PSD4: variants seen among roughly 807,000 people sequenced by gnomAD.
The protein encoded by PSD4 is PH and SEC7 domain-containing protein 4.
In PSD4, 59 loss-of-function variants were observed where a neutral mutation model predicts 112.5. That is an observed-to-expected ratio of 0.52 (90% CI 0.43 to 0.65). The LOEUF (loss-of-function observed/expected upper bound fraction) is 0.65, where lower values mean the gene tolerates loss of function less well. Ranked by LOEUF, PSD4 falls within the 30% of genes least tolerant of loss-of-function variation. PSD4 has a pLI of 0.00. For synonymous variants in PSD4, 533 were observed against 540.0 expected (o/e 0.99, Z 0.18); for missense variants, 1,267 against 1,352.6 (o/e 0.94, Z 0.99).
At chr2:113,184,914 C>T in intron 2 of PSD4, 43 bp from the exon 3 acceptor site, 1 of 1,610,858 alleles carries the variant, frequency 6.2e-7, no homozygotes, top group Non-Finnish European at 8.5e-7. Context: ...CTCTAGTCAC[C>T]TCTCCTCTCC....
rs1198990330 is a variant in PSD4 at position 113,198,846 on chromosome 2, C to G, written c.2731C>G (p.Arg911Gly). The change falls in exon 15 of 17, where the codon CGG becomes GGG. Residue 911 changes from arginine (R) to glycine (G), a missense_variant. Coordinates refer to ENST00000245796, the MANE Select transcript of PSD4 (RefSeq NM_012455.3). ...AAVGSQRRFV[R>G]PILPVGPAQS... ...TGTGGGCTCCCAGCGCAGATTCGTG[C>G]GGCCCATCCTGCCCGTGGGCCCCGC... 1.3e-6 allele frequency: 2 copies of G among 1,598,042 alleles called. No homozygotes were observed. Among genetic ancestry groups the G allele is most frequent in the East Asian group, 2.2e-5 (1 of 44,690 alleles).
intron 12 of PSD4, among the ~76,000 whole-genome samples, chr2:113,196,979 C>T (rs945870540): frequency 1.3e-5 from 2 of 152,212 alleles, no homozygotes; most frequent in African/African-American, 4.8e-5. Context: ...CTGGGGCGAC[C>T]AGGATGGGAA....
rs77426588 is a variant in PSD4, at chr2:113,197,523, G to A, written c.2387-41G>A. On this transcript the variant is annotated intron_variant, in intron 12 of 16. Transcript: ENST00000245796. ...TGTGTCTGAGTGTGTCTGGATGCTGGTGCCCCCACCTACAACATTTGTGTT... is the reference window on the plus strand; with the variant it reads ...TGTGTCTGAGTGTGTCTGGATGCTGATGCCCCCACCTACAACATTTGTGTT... The A allele has an allele frequency of 3.8e-5, 62 of 1,610,878 alleles. No homozygotes were observed. The African/African-American group carries it at 7.5e-4, about 19-fold the overall frequency.
Position 113,201,140 on chromosome 2 carries a change from G to A in PSD4, c.2914-18G>A. 6.3e-7 allele frequency: 1 copy of A among 1,595,808 alleles called. No individual in the cohort carries two copies. The highest frequency in any genetic ancestry group is 8.6e-7 in the Non-Finnish European group (1 of 1,169,288). On this transcript the variant is annotated intron_variant, in intron 16 of 16. Coordinates refer to ENST00000245796, the MANE Select transcript of PSD4 (RefSeq NM_012455.3). Reference sequence around the variant, plus strand: ...GGAGCCAGGATGGTGCTAAGGTGGTGGGGCCTGTGTGTTGCAGAAAACCCG... The same window carrying A: ...GGAGCCAGGATGGTGCTAAGGTGGTAGGGCCTGTGTGTTGCAGAAAACCCG...
At chr2:113,189,366 T>TATATATATAC (rs1553475554) in intron 5 of PSD4, among the ~76,000 whole-genome samples, 1 of 150,312 alleles carries the variant, frequency 6.7e-6, no homozygotes, top group African/African-American at 2.4e-5. Flanking sequence ...TATATATATA[T>TATATATATAC]ACACACACAC....
chr2:113,196,274 C>T lies in PSD4; in HGVS notation c.2353C>T (p.Arg785Trp), dbSNP rs759148670. Residue 785 changes from arginine (R) to tryptophan (W), a missense_variant, in exon 12 of 17, where the codon CGG becomes TGG. Physicochemically the swap from Arg to Trp is moderately radical, Grantham distance 101. Around this residue, in one of 2 missense-constraint regions of PSD4, gnomAD observed 544 missense variants for 648.6 expected, o/e 0.84. Coordinates refer to ENST00000245796, the MANE Select transcript of PSD4 (RefSeq NM_012455.3). ...VPTYKQGILA[R>W]KMHQDADGKK... ...CACCTACAAGCAGGGCATCCTGGCT[C>T]GGAAAATGCATCAAGATGCAGACGG... 1.2e-5 allele frequency: 19 copies of T among 1,613,722 alleles called. No individual in the cohort carries two copies. Among genetic ancestry groups the T allele is most frequent in the East Asian group, 2.2e-5 (1 of 44,864 alleles).
In PSD4 at chr2:113,183,173, T is replaced by C; in HGVS notation, c.717T>C (p.Ala239=). ...GTPDSSPQWG[A]EEESMFFSNP... ...CAGACTCTTCCCCACAGTGGGGAGC[T>C]GAGGAGGAGAGCATGTTCTTCAGCA... Residue 239 remains alanine, a synonymous_variant, in exon 2 of 17, where the codon GCT becomes GCC. Coordinates refer to ENST00000245796, the MANE Select transcript of PSD4 (RefSeq NM_012455.3). 1 of 1,614,158 alleles carries C rather than the reference T, an allele frequency of 6.2e-7. No individual in the cohort carries two copies. The highest frequency in any genetic ancestry group is 8.5e-7 in the Non-Finnish European group (1 of 1,180,012).
At chr2:113,189,454 T>C (rs1406471150) in intron 5 of PSD4, among the ~76,000 whole-genome samples, 2 of 152,034 alleles carry the variant, frequency 1.3e-5, no homozygotes, top group Non-Finnish European at 2.9e-5. Flanking sequence ...GATTGCAAAT[T>C]GTGCTGCTAT....
At chr2:113,187,662 C>T (rs915226273) in intron 5 of PSD4, among the ~76,000 whole-genome samples, 6 of 152,240 alleles carry the variant, frequency 3.9e-5, no homozygotes, top group Non-Finnish European at 7.3e-5. Flanking sequence ...TCCCCCACAA[C>T]GTCACAATCA....
chr2:113,198,711 C>T, intron 14 of PSD4, 29 bp from the exon 15 acceptor site: 3 of 1,516,802 alleles, frequency 2.0e-6, no homozygotes, highest in Non-Finnish European at 2.6e-6. Flanking sequence ...CTCTGTGTCC[C>T]CGGGGACCAA....
At position 113,197,628 on chromosome 2, in the gene PSD4, C is replaced by T. The variant is rs1456006246; in HGVS notation, c.2451C>T (p.Phe817=). The change falls in exon 13 of 17, where the codon TTC becomes TTT. Residue 817 remains phenylalanine, a synonymous_variant. Transcript: ENST00000245796. ...HTLLRGMVLY[F]LKQGEDHCLE... The stretch of plus-strand genomic sequence containing the variant: ...TACTGCGAGGGATGGTTCTCTACTT[C>T]CTGAAGGTAGGAAAGGAGCCAACAC... 1 of 1,614,080 alleles carries T rather than the reference C, an allele frequency of 6.2e-7. No individual in the cohort carries two copies. Among genetic ancestry groups the T allele is most frequent in the Non-Finnish European group, 8.5e-7 (1 of 1,180,024 alleles).
At position 113,206,596 on chromosome 2, in the gene PSD4, C is replaced by G. The variant is rs909210055; in HGVS notation, c.*5181C>G. 1.1e-4 allele frequency: 16 copies of G among 152,226 alleles called. No individual in the cohort carries two copies. The highest frequency in any genetic ancestry group is 9.2e-4 in the Admixed American group (14 of 15,288). 9.4% of individuals were successfully genotyped at this position (152,226 alleles called of 1,614,324 possible). ...CAGTTAGCCTCTTATGTTCTGTTTG[C>G]TTCTCTATAAAATGGGGATAATAAC... On this transcript the variant is annotated 3_prime_UTR_variant, in exon 17 of 17. Transcript: ENST00000245796.
At chr2:113,198,696 A>G (rs971123358) in intron 14 of PSD4, 44 bp from the exon 15 acceptor site, 1 of 1,503,696 alleles carries the variant, frequency 6.7e-7, no homozygotes, top group Admixed American at 2.0e-5. Flanking sequence ...GGGTGACAGG[A>G]CGGACTCTGT....
intron 16 of PSD4, among the ~76,000 whole-genome samples, chr2:113,200,277 C>G (rs1489225884): frequency 6.6e-6 from 1 of 152,182 alleles, no homozygotes; most frequent in Non-Finnish European, 1.5e-5. Flanking sequence ...CTTCAGGGAT[C>G]CTGGGTGCCT....
chr2:113,190,583 T>C (rs917083878), intron 5 of PSD4, among the ~76,000 whole-genome samples: 5 of 152,126 alleles, frequency 3.3e-5, no homozygotes, highest in Admixed American at 1.3e-4. Context: ...CACAGGCGTG[T>C]ATCACTACAC....
At position 113,186,136 on chromosome 2, in the gene PSD4, G is replaced by A. The variant is rs780578547; in HGVS notation, c.1509G>A (p.Leu503=). ...LETDGEQPSS[L]KKKEAGEAPK... ...CGGATGGGGAACAGCCAAGTTCCTT[G>A]AAGAAAAAGGAGGCAGGGGAGGCCC... Residue 503 remains leucine (L), a synonymous_variant, in exon 5 of 17, where the codon TTG becomes TTA. Transcript: ENST00000245796. 2 of 1,614,160 alleles carry A rather than the reference G, an allele frequency of 1.2e-6. No homozygotes were observed. The highest frequency in any genetic ancestry group is 1.7e-6 in the Non-Finnish European group (2 of 1,180,038).
chr2:113,186,382 A>G, intron 5 of PSD4, 127 bp downstream of exon 5: 2 of 1,050,536 alleles, frequency 1.9e-6, no homozygotes, highest in South Asian at 3.4e-5. Flanking sequence ...AGCAAGGATT[A>G]TATGAGTGGG....
At chr2:113,180,087 C>T (rs1451099064) in intron 1 of PSD4, among the ~76,000 whole-genome samples, 1 of 152,128 alleles carries the variant, frequency 6.6e-6, no homozygotes, top group African/African-American at 2.4e-5. Context: ...CTCAGGTGCC[C>T]TCCAGAAAAA....
intron 5 of PSD4, among the ~76,000 whole-genome samples, chr2:113,187,351 C>T (rs200252678): frequency 6.6e-6 from 1 of 152,210 alleles, no homozygotes; most frequent in Non-Finnish European, 1.5e-5. Flanking sequence ...CTTGTCCCTT[C>T]CCCACCTCCC....
Sources: gnomAD v4.1 joint callset for allele counts (sites outside exome capture counted in the v4.1 genomes callset) on GRCh38, gnomAD v4.1.1 for gene constraint, gnomAD v4.1.1 regional missense constraint, MANE v1.5 for transcripts, NCBI Gene and HGNC (gene_info 2026-07-23, HGNC 2026-07-21) for gene names.